ALG12: variants seen among roughly 807,000 people sequenced by gnomAD.
ALG12 encodes the protein dol-P-Man:Man(7)GlcNAc(2)-PP-Dol alpha-1,6-mannosyltransferase.
ALG12 carries 36 observed loss-of-function variants against 46.0 expected under a neutral mutation model. The ratio of observed to expected loss-of-function variants is 0.78; its 90% CI spans 0.60 to 1.03. The LOEUF (loss-of-function observed/expected upper bound fraction) is 1.03, where lower values mean the gene tolerates loss of function less well. Among genes scored for constraint, ALG12 ranks in the 50% least tolerant of loss-of-function variants. The pLI is 0.00. For missense variants in ALG12, 599 were observed against 633.5 expected (o/e 0.95, Z 0.58); for synonymous variants, 326 against 291.6 (o/e 1.12, Z -1.20).
At chr22:49,862,992 G>A in the ALG12 span, among the ~76,000 whole-genome samples, 2 of 151,844 alleles carry the variant, frequency 1.3e-5, no homozygotes, top group African/African-American at 2.4e-5. Flanking sequence ...GTGAGCCACC[G>A]CACCCGGCCA....
At chr22:49,886,897 A>C in the ALG12 span, 1 of 1,614,062 alleles carries the variant, frequency 6.2e-7, no homozygotes, top group Non-Finnish European at 8.5e-7. This position sits in a 1 kb window ranked among gnomAD's most constrained non-coding sequence, Gnocchi z 7.7. Context: ...CCCAAGAGAA[A>C]AGCTGCCTGA....
the ALG12 span, chr22:49,885,528 C>T: frequency 6.2e-7 from 1 of 1,608,716 alleles, no homozygotes; most frequent in African/African-American, 1.3e-5. Flanking sequence ...CGGCTCGGCC[C>T]TCCTCTCCGG....
chr22:49,859,340 A>G, the ALG12 span, among the ~76,000 whole-genome samples: 1 of 151,900 alleles, frequency 6.6e-6, no homozygotes, highest in African/African-American at 2.4e-5. Context: ...AGTGGATTTT[A>G]TTTATTCCAT....
chr22:49,890,359 A>G, the ALG12 span, among the ~76,000 whole-genome samples: 3 of 152,204 alleles, frequency 2.0e-5, no homozygotes, highest in Non-Finnish European at 2.9e-5. Context: ...TTCTCAATGT[A>G]AGCTCCATCA....
chr22:49,904,147 TCTG>T (rs1394167888), intron 9 of ALG12, 29 bp downstream of exon 9: 14 of 1,614,112 alleles, frequency 8.7e-6, no homozygotes, highest in Non-Finnish European at 1.2e-5. Context: ...TCACATGGCC[TCTG>T]GGAGGGCCGT....
chr22:49,913,135 C>G (rs1274136236), intron 3 of ALG12, among the ~76,000 whole-genome samples: 4 of 152,208 alleles, frequency 2.6e-5, no homozygotes, highest in Admixed American at 2.0e-4. Flanking sequence ...GCCTCACAGG[C>G]AGTCGGCATT....
chr22:49,914,407 G>A (rs1044229341), intron 1 of ALG12, among the ~76,000 whole-genome samples: 8 of 152,242 alleles, frequency 5.3e-5, no homozygotes, highest in African/African-American at 7.2e-5. Context: ...CGCCTGCGCC[G>A]AACCCCACCC....
At chr22:49,885,853 A>G in the ALG12 span, 1 of 1,447,670 alleles carries the variant, frequency 6.9e-7, no homozygotes, top group Non-Finnish European at 9.7e-7. Context: ...GATCCACTTC[A>G]CGTCTGGAAT....
the ALG12 span, among the ~76,000 whole-genome samples, chr22:49,878,967 AC>A: frequency 6.6e-6 from 1 of 151,564 alleles, no homozygotes; most frequent in Non-Finnish European, 1.5e-5. Flanking sequence ...ACATGGTGAA[AC>A]CCCGTCTCTA....
rs2060505020 is a variant in ALG12 at position 49,901,504 on chromosome 22, G to T, written c.*2334C>A. The T allele has an allele frequency of 1.3e-5, 2 of 149,924 alleles. No homozygotes were observed. The highest frequency in any genetic ancestry group is 4.9e-5 in the African/African-American group (2 of 40,444). The allele number at this position is 149,924 out of a possible 1,614,324, so 9.3% of individuals were successfully genotyped here. On this transcript the variant is annotated 3_prime_UTR_variant, in exon 10 of 10. Transcript: ENST00000330817. The stretch of plus-strand genomic sequence containing the variant: ...GTGTGCACGTGTGCATTGTGTGCAT[G>T]ATTGCATTGTGTGGTGTGTATGCAT...
chr22:49,862,433 C>T, the ALG12 span, among the ~76,000 whole-genome samples: 2 of 152,186 alleles, frequency 1.3e-5, no homozygotes, highest in Admixed American at 6.5e-5. Flanking sequence ...TGTTTTTAAA[C>T]CTTTTTTATT....
At chr22:49,890,908 C>G in the ALG12 span, among the ~76,000 whole-genome samples, 1 of 151,968 alleles carries the variant, frequency 6.6e-6, no homozygotes, top group Non-Finnish European at 1.5e-5. Flanking sequence ...CTAGTCCCAG[C>G]TACTCCAGCT....
chr22:49,884,115 CTT>C, the ALG12 span: 1 of 1,613,714 alleles, frequency 6.2e-7, no homozygotes, highest in Non-Finnish European at 8.5e-7. Context: ...ACGAGAAAGA[CTT>C]GAGTACCAGT....
the ALG12 span, among the ~76,000 whole-genome samples, chr22:49,891,706 C>CT: frequency 6.6e-6 from 1 of 152,164 alleles, no homozygotes; most frequent in African/African-American, 2.4e-5. Context: ...CAAACTGATT[C>CT]TTACTGCCTC....
the ALG12 span, among the ~76,000 whole-genome samples, chr22:49,879,456 G>A: frequency 6.6e-6 from 1 of 151,796 alleles, no homozygotes; most frequent in Non-Finnish European, 1.5e-5. Context: ...CAGAGACGAT[G>A]TTTTGCCATG....
the ALG12 span, among the ~76,000 whole-genome samples, chr22:49,893,348 C>A: frequency 6.6e-6 from 1 of 152,142 alleles, no homozygotes; most frequent in Admixed American, 6.5e-5. Flanking sequence ...AAAATAACAA[C>A]CTGCACCTAG....
chr22:49,898,575 A>C (rs1223920244), downstream of ALG12, among the ~76,000 whole-genome samples: 1 of 151,864 alleles, frequency 6.6e-6, no homozygotes, highest in Non-Finnish European at 1.5e-5. Flanking sequence ...TTTTTAGTAG[A>C]GACGGGGTTT....
chr22:49,872,852 C>G, the ALG12 span, among the ~76,000 whole-genome samples: 2 of 151,996 alleles, frequency 1.3e-5, no homozygotes, highest in Admixed American at 6.6e-5. Context: ...ACCGCAGGCA[C>G]CTGCCGGCTA....
intron 1 of ALG12, among the ~76,000 whole-genome samples, chr22:49,917,962 A>AG (rs2060624608): frequency 7.1e-6 from 1 of 141,768 alleles, no homozygotes; most frequent in Non-Finnish European, 1.5e-5. Flanking sequence ...CCAGGTGAGG[A>AG]GCCCGGCCCC....
Sources: gnomAD v4.1 joint callset for allele counts (sites outside exome capture counted in the v4.1 genomes callset) on GRCh38, gnomAD v4.1.1 for gene constraint, Gnocchi (gnomAD v3.1) non-coding constraint, MANE v1.5 for transcripts, NCBI Gene and HGNC (gene_info 2026-07-23, HGNC 2026-07-21) for gene names.